The following NRXN3 variants were observed in gnomAD, a reference collection of about 807,000 sequenced individuals.
NRXN3 encodes the protein neurexin III.
In NRXN3, 32 loss-of-function variants were observed where a neutral mutation model predicts 137.6. The observed-to-expected ratio is 0.23, with a 90% CI of 0.18 to 0.31. The LOEUF is 0.31. Among genes scored for constraint, NRXN3 ranks in the 10% least tolerant of loss-of-function variants. The pLI is 1.00. For synonymous variants in NRXN3, 798 were observed against 784.5 expected, an observed-to-expected ratio of 1.02 and a Z score of -0.29; for missense variants, 1,574 against 2,062.5, an observed-to-expected ratio of 0.76 and a Z score of 4.59.
chr14:78,848,185 G>A (rs1179168372), intron 10 of NRXN3, among the ~76,000 whole-genome samples: 6 of 152,046 alleles, frequency 3.9e-5, no homozygotes, highest in African/African-American at 4.8e-5. Flanking sequence ...ACCCACCAGC[G>A]CAGTACTGCC....
intron 6 of NRXN3, among the ~76,000 whole-genome samples, chr14:78,672,829 A>G (rs2097951208): frequency 6.6e-6 from 1 of 152,236 alleles, no homozygotes. Context: ...TGAAAAAAAT[A>G]AAGTGAAATC....
intron 20 of NRXN3, among the ~76,000 whole-genome samples, chr14:79,857,170 G>A (rs774693909): frequency 6.6e-6 from 1 of 152,150 alleles, no homozygotes; most frequent in Non-Finnish European, 1.5e-5. Flanking sequence ...AGTCACTTTT[G>A]ATTAAAATAA....
chr14:79,565,524 G>T (rs2097543620), intron 16 of NRXN3, among the ~76,000 whole-genome samples: 1 of 151,716 alleles, frequency 6.6e-6, no homozygotes, highest in Non-Finnish European at 1.5e-5. Flanking sequence ...TCAAAATTTG[G>T]CCTTAATATA....
chr14:78,873,948 C>T (rs2099107418), intron 10 of NRXN3, among the ~76,000 whole-genome samples: 1 of 151,586 alleles, frequency 6.6e-6, no homozygotes, highest in Non-Finnish European at 1.5e-5. Flanking sequence ...AGATCATAGG[C>T]ACCATGTGAA....
chr14:78,178,627 C>T (rs544377563), intron 1 of NRXN3, among the ~76,000 whole-genome samples: 10 of 152,260 alleles, frequency 6.6e-5, no homozygotes, highest in South Asian at 4.1e-4. Flanking sequence ...TGGCCCTCAG[C>T]GTGAGATTTC....
At chr14:78,502,375 A>G (rs2095895384) in intron 4 of NRXN3, among the ~76,000 whole-genome samples, 1 of 152,196 alleles carries the variant, frequency 6.6e-6, no homozygotes, top group Non-Finnish European at 1.5e-5. Flanking sequence ...TAGTTTATAT[A>G]ATTAATATAT....
At chr14:79,386,993 A>G (rs918286115) in intron 15 of NRXN3, among the ~76,000 whole-genome samples, 1 of 152,036 alleles carries the variant, frequency 6.6e-6, no homozygotes, top group Non-Finnish European at 1.5e-5. Context: ...TAAAACCATA[A>G]AAACTCTAGA....
At chr14:79,271,324 TA>T (rs550761031) in intron 15 of NRXN3, among the ~76,000 whole-genome samples, 1 of 152,260 alleles carries the variant, frequency 6.6e-6, no homozygotes, top group African/African-American at 2.4e-5. Flanking sequence ...TCCTTGGAAA[TA>T]AAGAATGTGG....
chr14:78,250,064 T>C (rs2068348896), intron 2 of NRXN3: 3 of 515,664 alleles, frequency 5.8e-6, no homozygotes, highest in Admixed American at 2.0e-5. Context: ...GCAACCACTC[T>C]TGACATGCGA....
chr14:78,943,655 T>TCTC (rs2099359396), intron 10 of NRXN3, among the ~76,000 whole-genome samples: 1 of 75,754 alleles, frequency 1.3e-5, no homozygotes, highest in Non-Finnish European at 2.4e-5. Flanking sequence ...TATATATATA[T>TCTC]ATATATATAT....
At chr14:79,116,383 G>A (rs2054445880) in intron 15 of NRXN3, among the ~76,000 whole-genome samples, 1 of 152,174 alleles carries the variant, frequency 6.6e-6, no homozygotes, top group Non-Finnish European at 1.5e-5. Context: ...CTCTTTCATA[G>A]CTTCCATCTC....
At chr14:79,832,703 G>A (rs2099327426) in intron 20 of NRXN3, among the ~76,000 whole-genome samples, 1 of 151,900 alleles carries the variant, frequency 6.6e-6, no homozygotes, top group African/African-American at 2.4e-5. Context: ...TGTAAATAAT[G>A]TCTATCCCAT....
chr14:79,057,898 C>G (rs1024365026), intron 15 of NRXN3, among the ~76,000 whole-genome samples: 1 of 151,670 alleles, frequency 6.6e-6, no homozygotes, highest in Non-Finnish European at 1.5e-5. Context: ...CATTTTTTTT[C>G]TAGTGGAGTA....
At chr14:78,229,732 G>GCA (rs2065129243) in intron 1 of NRXN3, among the ~76,000 whole-genome samples, 1 of 152,132 alleles carries the variant, frequency 6.6e-6, no homozygotes, top group African/African-American at 2.4e-5. Context: ...TACTTGCCCT[G>GCA]GCCTGGGAGG....
intron 8 of NRXN3, among the ~76,000 whole-genome samples, chr14:78,793,421 T>C (rs2098811456): frequency 6.6e-6 from 1 of 152,128 alleles, no homozygotes; most frequent in African/African-American, 2.4e-5. Context: ...CATCACTCTC[T>C]AGAAGGACTC....
chr14:79,485,146 G>A (rs941809982), intron 16 of NRXN3, among the ~76,000 whole-genome samples: 2 of 151,948 alleles, frequency 1.3e-5, no homozygotes, highest in South Asian at 4.2e-4. Flanking sequence ...TTACTTAGCA[G>A]TTCTCTGAAG....
intron 4 of NRXN3, among the ~76,000 whole-genome samples, chr14:78,476,129 C>A (rs1567698893): frequency 1.3e-5 from 2 of 152,116 alleles, no homozygotes; most frequent in Admixed American, 6.6e-5. Flanking sequence ...TTACTGAGTG[C>A]TTACTATGTG....
chr14:78,197,856 T>A (rs2061363060), intron 1 of NRXN3, among the ~76,000 whole-genome samples: 1 of 152,214 alleles, frequency 6.6e-6, no homozygotes, highest in East Asian at 1.9e-4. Flanking sequence ...GATGTAGCTG[T>A]CTCCTGACAC....
intron 10 of NRXN3, among the ~76,000 whole-genome samples, chr14:78,914,736 AG>A (rs2099250293): frequency 6.6e-6 from 1 of 152,158 alleles, no homozygotes; most frequent in Non-Finnish European, 1.5e-5. Context: ...GGCCATTTTG[AG>A]GACTTTGGGT....
Sources: allele counts gnomAD v4.1 joint callset (sites outside exome capture counted in the v4.1 genomes callset), GRCh38; gene constraint gnomAD v4.1.1; transcripts MANE v1.5; gene names NCBI Gene and HGNC (gene_info 2026-07-23, HGNC 2026-07-21).